Variants in MBD5 observed in about 807,000 individuals in gnomAD.
MBD5 encodes the protein methyl-CpG-binding domain protein 5.
MBD5 carries 13 observed loss-of-function variants against 117.3 expected under a neutral mutation model. That is an observed-to-expected ratio of 0.11 (90% CI 0.07 to 0.18). The LOEUF (loss-of-function observed/expected upper bound fraction) is 0.18, where lower values mean the gene tolerates loss of function less well. Among genes scored for constraint, MBD5 ranks in the 10% least tolerant of loss-of-function variants. The pLI is 1.00. For synonymous variants in MBD5, 727 were observed against 766.4 expected (o/e 0.95, Z 0.85); for missense variants, 1,879 against 2,093.8 (o/e 0.90, Z 2.00).
chr2:148,074,499 T>TTTTTTTTTTTTTTTTTTTTTTG, intron 1 of MBD5, among the ~76,000 whole-genome samples: 1 of 97,484 alleles, frequency 1.0e-5, no homozygotes, highest in Non-Finnish European at 2.2e-5. Flanking sequence ...TTTTTTGTTT[T>TTTTTTTTTTTTTTTTTTTTTTG]TTTTTTTGTT....
intron 1 of MBD5, among the ~76,000 whole-genome samples, chr2:148,042,483 TTACA>T (rs1160697594): frequency 6.6e-6 from 1 of 151,916 alleles, no homozygotes; most frequent in Non-Finnish European, 1.5e-5. Context: ...ATGGCCTTGG[TTACA>T]TAAAGATATT....
chr2:148,333,903 C>T (rs1222411097), intron 3 of MBD5, among the ~76,000 whole-genome samples: 1 of 152,072 alleles, frequency 6.6e-6, no homozygotes, highest in Non-Finnish European at 1.5e-5. Context: ...ATTTTATTCA[C>T]ACCAAAGAAT....
intron 1 of MBD5, among the ~76,000 whole-genome samples, chr2:148,089,247 A>G (rs1695875980): frequency 6.6e-6 from 1 of 152,100 alleles, no homozygotes; most frequent in South Asian, 2.1e-4. Context: ...CAGCAACACA[A>G]TAATAGTGGG....
intron 4 of MBD5, among the ~76,000 whole-genome samples, chr2:148,357,176 T>C (rs1189812246): frequency 6.6e-6 from 1 of 152,234 alleles, no homozygotes; most frequent in Non-Finnish European, 1.5e-5. Context: ...CATGAGACAC[T>C]GTTTAAAATT....
intron 4 of MBD5, among the ~76,000 whole-genome samples, chr2:148,426,615 C>T (rs1465070421): frequency 1.3e-5 from 2 of 152,114 alleles, no homozygotes; most frequent in African/African-American, 4.8e-5. Flanking sequence ...AAAGCTGAAA[C>T]TGGATCCCTT....
chr2:148,512,314 A>T (rs1574509086), intron 13 of MBD5: 1 of 176,770 alleles, frequency 5.7e-6, no homozygotes, highest in South Asian at 1.3e-4. Flanking sequence ...CTGCCAACAG[A>T]TGATAGTGGT....
chr2:148,176,471 C>T (rs187333195), intron 1 of MBD5, among the ~76,000 whole-genome samples: 1 of 151,242 alleles, frequency 6.6e-6, no homozygotes, highest in East Asian at 1.9e-4. Flanking sequence ...GTGGCATAAT[C>T]TCAGCTCACC....
At chr2:148,246,006 T>C (rs1311605767) in intron 3 of MBD5, among the ~76,000 whole-genome samples, 2 of 152,116 alleles carry the variant, frequency 1.3e-5, no homozygotes, top group East Asian at 3.9e-4. Flanking sequence ...AATGAAGTCA[T>C]AGGATACATG....
intron 4 of MBD5, among the ~76,000 whole-genome samples, chr2:148,420,939 G>A (rs1218419009): frequency 6.6e-6 from 1 of 152,086 alleles, no homozygotes; most frequent in Non-Finnish European, 1.5e-5. Context: ...ATTTTGCCGA[G>A]GCTGGTCTTG....
In MBD5 at chr2:148,474,023, C is replaced by A. The variant is rs115812990; in HGVS notation, c.2518+3562C>A. On this transcript the variant is annotated intron_variant, in intron 8 of 13. Coordinates refer to ENST00000642680, the MANE Select transcript of MBD5 (RefSeq NM_001378120.1). ...TCTCTGTTGGATCTGGCAGCCAAATCCCAAAGTTCCCAATTCTCAGTCCAA... is the reference window on the plus strand; with the variant it reads ...TCTCTGTTGGATCTGGCAGCCAAATACCAAAGTTCCCAATTCTCAGTCCAA... Among the ~76,000 whole-genome samples the A allele has an allele frequency of 5.0e-3, 768 of 152,244 alleles. 11 individuals carry two copies. The highest frequency in any genetic ancestry group is 0.018 in the African/African-American group (738 of 41,556).
intron 3 of MBD5, among the ~76,000 whole-genome samples, chr2:148,340,792 A>G (rs1702924070): frequency 6.6e-6 from 1 of 151,452 alleles, no homozygotes; most frequent in Non-Finnish European, 1.5e-5. Context: ...AAGGGGCTCT[A>G]TTAATATAAT....
At chr2:148,397,166 G>A (rs76030419) in intron 4 of MBD5, among the ~76,000 whole-genome samples, 18,892 of 152,038 alleles carry the variant, frequency 0.12, 1,559 homozygotes, top group Non-Finnish European at 0.19. Flanking sequence ...TTTTTTAAGT[G>A]TGAGATAGAA....
intron 4 of MBD5, among the ~76,000 whole-genome samples, chr2:148,356,688 T>C (rs1052080895): frequency 1.3e-5 from 2 of 152,152 alleles, no homozygotes; most frequent in African/African-American, 4.8e-5. Flanking sequence ...TTTTCTTGTA[T>C]CATTTTTCTT....
intron 4 of MBD5, among the ~76,000 whole-genome samples, chr2:148,385,820 T>C (rs1704338467): frequency 6.6e-6 from 1 of 151,638 alleles, no homozygotes; most frequent in African/African-American, 2.4e-5. Context: ...GGGACATGGA[T>C]GAAGCTGGAA....
chr2:148,028,855 T>A (rs1558893203), intron 1 of MBD5, among the ~76,000 whole-genome samples: 1 of 152,116 alleles, frequency 6.6e-6, no homozygotes, highest in African/African-American at 2.4e-5. Flanking sequence ...ATTTTTTTAG[T>A]GTTATTCCAA....
chr2:148,035,280 TAGTA>T (rs1254576101), intron 1 of MBD5, among the ~76,000 whole-genome samples: 1 of 152,054 alleles, frequency 6.6e-6, no homozygotes, highest in Admixed American at 6.6e-5. Flanking sequence ...GGTGCACTAT[TAGTA>T]ATAGTAGAAG....
chr2:148,138,710 A>G (rs184530784), intron 1 of MBD5, among the ~76,000 whole-genome samples: 139 of 152,330 alleles, frequency 9.1e-4, no homozygotes, highest in Middle Eastern at 3.4e-3. Context: ...AAAGAAATTG[A>G]ACATATTTGA....
chr2:148,054,799 C>T (rs1271161706), intron 1 of MBD5: 1 of 152,162 alleles, frequency 6.6e-6, no homozygotes, highest in Non-Finnish European at 1.5e-5. Context: ...ATTGCAAGAT[C>T]ACAGTGTATG....
intron 3 of MBD5, among the ~76,000 whole-genome samples, chr2:148,240,119 G>A (rs1024010064): frequency 3.9e-5 from 6 of 152,112 alleles, no homozygotes; most frequent in Non-Finnish European, 7.3e-5. Context: ...CCTTTATAGG[G>A]ACATAGATGA....
Sources: gnomAD v4.1 joint callset for allele counts (sites outside exome capture counted in the v4.1 genomes callset) on GRCh38, gnomAD v4.1.1 for gene constraint, MANE v1.5 for transcripts, NCBI Gene and HGNC (gene_info 2026-07-23, HGNC 2026-07-21) for gene names.